The following ACD variants were observed in gnomAD, a reference collection of about 807,000 sequenced individuals.
ACD encodes the protein ACD shelterin complex subunit and telomerase recruitment factor.
Under a neutral mutation model 53.9 loss-of-function variants are expected in ACD, and 39 were observed. That is an observed-to-expected ratio of 0.72 (90% confidence interval 0.56 to 0.95). The LOEUF is 0.95. Among genes scored for constraint, ACD ranks in the 40% least tolerant of loss-of-function variants. The probability of loss-of-function intolerance (pLI) is 0.00; values close to 1 mark genes in which losing one functional copy is unlikely to be tolerated. For synonymous variants in ACD, 273 were observed against 249.2 expected (o/e 1.10, Z -0.90); for missense variants, 526 against 587.9 (o/e 0.89, Z 1.09).
chr16:67,657,790 A>G lies in ACD; in HGVS notation c.1270T>C (p.Ser424Pro), dbSNP rs763749808. The G allele has an allele frequency of 6.2e-7, 1 of 1,614,064 alleles. No individual in the cohort carries two copies. Among genetic ancestry groups the G allele is most frequent in the East Asian group, 2.2e-5 (1 of 44,870 alleles). The change falls in exon 11 of 12, where the codon TCC becomes CCC. Residue 424 changes from serine (S) to proline (P), a missense_variant. Physicochemically the swap from Ser to Pro is moderately conservative, Grantham distance 74. Transcript: ENST00000620761. This position sits in a 1 kb window ranked among gnomAD's most constrained non-coding sequence, Gnocchi z 4.5. The part of the protein sequence containing the change: ...FQYEYEPPCT[S>P]LCARVQAVRL... ...ACAGCTTGGACCCGAGCACAGAGGG[A>G]CGTGCAGGGTGGCTCATACTCATAC...
intron 7 of ACD, 31 bp from the exon 8 acceptor site, chr16:67,658,847 C>G (rs375883743): frequency 8.1e-6 from 13 of 1,601,906 alleles, no homozygotes; most frequent in Non-Finnish European, 1.0e-5. Context: ...AGGACAGGCC[C>G]GTTTACTCTC....
At chr16:67,658,521 G>A in intron 9 of ACD, 34 bp downstream of exon 9, 1 of 1,568,400 alleles carries the variant, frequency 6.4e-7, no homozygotes, top group Non-Finnish European at 8.7e-7. Flanking sequence ...CTGACAGGCG[G>A]CAGTGAGTGC....
At chr16:67,658,530 G>A (rs1317732190) in intron 9 of ACD, 25 bp downstream of exon 9, 2 of 1,567,766 alleles carry the variant, frequency 1.3e-6, no homozygotes, top group African/African-American at 2.7e-5. Context: ...GGCAGTGAGT[G>A]CCTGTGACCT....
Position 67,658,762 on chromosome 16 carries a change from G to A in ACD, c.700C>T (p.Gln234Ter), listed in dbSNP as rs2052931045. The A allele has an allele frequency of 8.1e-6, 13 of 1,613,324 alleles. No individual in the cohort carries two copies. The highest frequency in any genetic ancestry group is 1.1e-5 in the Non-Finnish European group (13 of 1,179,694). The change falls in exon 8 of 12, where the codon CAG becomes TAG. Residue 234 changes from glutamine (Q) to a stop codon, truncating the protein, a stop_gained. Coordinates refer to ENST00000620761, the MANE Select transcript of ACD (RefSeq NM_001082486.2). LOFTEE classifies it high-confidence loss of function. Reference sequence around the variant, plus strand: ...GGGCCTAGAGAGCTCAGAATTAGCTGGTCATTCTCAGAGATGCACAGCATT... The same window carrying A: ...GGGCCTAGAGAGCTCAGAATTAGCTAGTCATTCTCAGAGATGCACAGCATT... ...SSMLCISEND[Q>*]LILSSLGPCQ...
At chr16:67,658,472 TGCA>T in intron 9 of ACD, 80 bp downstream of exon 9, 1 of 1,592,628 alleles carries the variant, frequency 6.3e-7, no homozygotes, top group South Asian at 1.1e-5. Flanking sequence ...CCACCCACCG[TGCA>T]CCTTTCACAG....
rs1339425052 is a variant in ACD at position 67,660,257 on chromosome 16, G to GTTTCCCGCGGGCGCCCAGGCCCCGCC, written c.-38_-37insGGCGGGGCCTGGGCGCCCGCGGGAAA. On this transcript the variant is annotated 5_prime_UTR_variant, in exon 1 of 12. Coordinates refer to ENST00000620761, the MANE Select transcript of ACD (RefSeq NM_001082486.2). Reference sequence around the variant, plus strand: ...CACCCAGCGGATGCAACGGGCCCGGGTTTCCCGCGGGCGCCCAGGCCCCGC... The same window carrying GTTTCCCGCGGGCGCCCAGGCCCCGCC: ...CACCCAGCGGATGCAACGGGCCCGGGTTTCCCGCGGGCGCCCAGGCCCCGCCTTTCCCGCGGGCGCCCAGGCCCCGC... The GTTTCCCGCGGGCGCCCAGGCCCCGCC allele has an allele frequency of 3.1e-6, 5 of 1,612,388 alleles. No individual in the cohort carries two copies. Among genetic ancestry groups the GTTTCCCGCGGGCGCCCAGGCCCCGCC allele is most frequent in the Non-Finnish European group, 4.2e-6 (5 of 1,179,842 alleles).
At chr16:67,659,501 T>TG (rs755121514) in intron 4 of ACD, 36 bp downstream of exon 4, 1 of 1,613,076 alleles carries the variant, frequency 6.2e-7, no homozygotes, top group Non-Finnish European at 8.5e-7. Context: ...CAGGCTGGGG[T>TG]GGGGAGAGCT....
At position 67,660,077 on chromosome 16, in the gene ACD, C is replaced by T; in HGVS notation, c.100-32G>A. 6 of 1,610,892 alleles carry T rather than the reference C, an allele frequency of 3.7e-6. No individual in the cohort carries two copies. In the African/African-American group the frequency reaches 4.0e-5, roughly 11 times the overall value. On this transcript the variant is annotated intron_variant, in intron 1 of 11. Coordinates refer to ENST00000620761, the MANE Select transcript of ACD (RefSeq NM_001082486.2). ...GCGGCGAGCGGCGTCAATCCCACCA[C>T]CCCGGGCCTCCGCCTCGGTCTCCGG...
rs754309538 is a variant in ACD at position 67,657,897 on chromosome 16, A to G, written c.1207-44T>C. Reference sequence around the variant, plus strand: ...CTGGGGAAGAGCTAACAAGGACCCCAACCCCATCCAAGGCTACCCATGCTC... The same window carrying G: ...CTGGGGAAGAGCTAACAAGGACCCCGACCCCATCCAAGGCTACCCATGCTC... On this transcript the variant is annotated intron_variant, in intron 10 of 11. Coordinates refer to ENST00000620761, the MANE Select transcript of ACD (RefSeq NM_001082486.2). The surrounding 1 kb of genome is among the most constrained non-coding windows in gnomAD (Gnocchi z 4.5). The G allele has an allele frequency of 6.2e-7, 1 of 1,613,230 alleles. No individual in the cohort carries two copies. The highest frequency in any genetic ancestry group is 1.1e-5 in the South Asian group (1 of 91,058).
rs1369632476 is a variant in ACD, at chr16:67,658,643, TGG to T, written c.743-4_743-3del. The T allele has an allele frequency of 1.3e-6, 2 of 1,579,920 alleles. No homozygotes were observed. The highest frequency in any genetic ancestry group is 4.5e-5 in the East Asian group (2 of 44,526). ...GGTCTGGTGGGGGCAGCTCAGGGCC[TGG>T]GGGGTTCAGGAAGTCTTATCAGCAC... On this transcript the variant is annotated splice_region_variant and splice_polypyrimidine_tract_variant and intron_variant, in intron 8 of 11. Transcript: ENST00000620761.
In ACD at chr16:67,659,917, C is replaced by A; in HGVS notation, c.228G>T (p.Leu76=). The A allele has an allele frequency of 6.2e-7, 1 of 1,601,822 alleles. No homozygotes were observed. Residue 76 remains leucine (L), a synonymous_variant, in exon 2 of 12, where the codon CTG becomes CTT. Coordinates refer to ENST00000620761, the MANE Select transcript of ACD (RefSeq NM_001082486.2). ...GGGCCTCTCACCAGTCCGAGGTGTCCAGGGCCTCCCGCGTCACCAGGCATC... is the reference window on the plus strand; with the variant it reads ...GGGCCTCTCACCAGTCCGAGGTGTCAAGGGCCTCCCGCGTCACCAGGCATC... ...SVRCLVTREA[L]DTSDWEEKEF...
Position 67,658,527 on chromosome 16 carries a change from A to G in ACD, c.829+28T>C, listed in dbSNP as rs754645047. ...GGAACCTGACTGACAGGCGGCAGTGAGTGCCTGTGACCTGTGCATCACCTC... is the reference window on the plus strand; with the variant it reads ...GGAACCTGACTGACAGGCGGCAGTGGGTGCCTGTGACCTGTGCATCACCTC... On this transcript the variant is annotated intron_variant, in intron 9 of 11. Coordinates refer to ENST00000620761, the MANE Select transcript of ACD (RefSeq NM_001082486.2). The G allele has an allele frequency of 1.2e-5, 19 of 1,568,974 alleles. No individual in the cohort carries two copies. The East Asian group carries it at 3.4e-4, about 28-fold the overall frequency.
chr16:67,659,892 G>T lies in ACD; in HGVS notation c.242+11C>A. 1 of 1,583,708 alleles carries T rather than the reference G, an allele frequency of 6.3e-7. No individual in the cohort carries two copies. On this transcript the variant is annotated intron_variant, in intron 2 of 11. Coordinates refer to ENST00000620761, the MANE Select transcript of ACD (RefSeq NM_001082486.2). Reference sequence around the variant, plus strand: ...GGACTCCGACCTCCAGAGCCGCGCGGGGCCTCTCACCAGTCCGAGGTGTCC... The same window carrying T: ...GGACTCCGACCTCCAGAGCCGCGCGTGGCCTCTCACCAGTCCGAGGTGTCC...
Position 67,659,408 on chromosome 16 carries a change from A to C in ACD, c.425T>G (p.Leu142Ter), listed in dbSNP as rs2142973399. ...RLRVPGCNQD[L>*]DVQKKLYDCL... The stretch of plus-strand genomic sequence containing the variant: ...GTCATAGAGCTTTTTCTGAACATCT[A>C]AGTCTTGGTTGCTAAGAAAAAGAGA... Residue 142 changes from leucine (L) to a stop codon, truncating the protein, a stop_gained, in exon 5 of 12, where the codon TTA (leucine) becomes TGA (stop). Coordinates refer to ENST00000620761, the MANE Select transcript of ACD (RefSeq NM_001082486.2). LOFTEE classifies it high-confidence loss of function. 6.2e-7 allele frequency: 1 copy of C among 1,613,998 alleles called. No homozygotes were observed. The highest frequency in any genetic ancestry group is 8.5e-7 in the Non-Finnish European group (1 of 1,180,016).
In ACD at chr16:67,660,165, C is replaced by T; in HGVS notation, c.56G>A (p.Gly19Glu). Residue 19 changes from glycine (G) to glutamate (E), a missense_variant, in exon 1 of 12, where the codon GGG becomes GAG. Gly to Glu is a moderately conservative substitution (Grantham distance 98). Coordinates refer to ENST00000620761, the MANE Select transcript of ACD (RefSeq NM_001082486.2). ...LRPWIRELILGSETPSSPRAG... is the reference protein window; with the variant it reads ...LRPWIRELILESETPSSPRAG... ...TCGTGGACTGGAGGGTGTCTCTGAC[C>T]CCAGAATCAGCTCCCGAATCCAGGG... 1.2e-6 allele frequency: 2 copies of T among 1,612,610 alleles called. No homozygotes were observed. Among genetic ancestry groups the T allele is most frequent in the Non-Finnish European group, 1.7e-6 (2 of 1,179,920 alleles).
rs1387952217 is a variant in ACD, at chr16:67,660,018, C to A, written c.127G>T (p.Ala43Ser). ...GTATCAGGGGCGTGGGATGGGCCCG[C>A]GACCGCGGCCTCGGCGTCCTGTAGT... ...EVLQDAEAAVAGPSHAPDTSD... is the reference protein window; with the variant it reads ...EVLQDAEAAVSGPSHAPDTSD... Residue 43 changes from alanine to serine, a missense_variant, in exon 2 of 12, where the codon GCG (alanine) becomes TCG (serine). Transcript: ENST00000620761. 1 of 1,606,404 alleles carries A rather than the reference C, an allele frequency of 6.2e-7. No individual in the cohort carries two copies. Among genetic ancestry groups the A allele is most frequent in the South Asian group, 1.1e-5 (1 of 90,786 alleles).
At chr16:67,658,434 A>T (rs1485965710) in intron 9 of ACD, 72 bp from the exon 10 acceptor site, 2 of 1,608,992 alleles carry the variant, frequency 1.2e-6, no homozygotes, top group African/African-American at 2.7e-5. Context: ...GCGAGCTCAG[A>T]CAGGACTGCA....
chr16:67,658,864 T>C, intron 7 of ACD, 48 bp from the exon 8 acceptor site: 1 of 1,602,996 alleles, frequency 6.2e-7, no homozygotes, highest in Non-Finnish European at 8.5e-7. Flanking sequence ...TCTCATGTCC[T>C]GTGGGATATG....
In ACD at chr16:67,657,591, G is replaced by A. The variant is rs754791254; in HGVS notation, c.*15C>T. The stretch of plus-strand genomic sequence containing the variant: ...GGAAGCAGAGTGTGGAGCGGTATCT[G>A]TCCTGCGTGACGTCTCACATCGGAG... On this transcript the variant is annotated 3_prime_UTR_variant, in exon 12 of 12. Transcript: ENST00000620761. The surrounding 1 kb of genome is among the most constrained non-coding windows in gnomAD (Gnocchi z 4.5). 5.6e-6 allele frequency: 9 copies of A among 1,614,004 alleles called. No individual in the cohort carries two copies. In the African/African-American group the frequency reaches 1.2e-4, roughly 22 times the overall value.
Sources: gnomAD v4.1 joint callset for allele counts on GRCh38, gnomAD v4.1.1 for gene constraint, Gnocchi (gnomAD v3.1) non-coding constraint, MANE v1.5 for transcripts, NCBI Gene and HGNC (gene_info 2026-07-23, HGNC 2026-07-21) for gene names.